Variants in LAMC3 observed in about 807,000 individuals in gnomAD.
LAMC3 encodes laminin subunit gamma-3.
In LAMC3, 128 loss-of-function variants were observed where a neutral mutation model predicts 173.8. The ratio of observed to expected loss-of-function variants is 0.74; its 90% CI spans 0.64 to 0.85. LAMC3 has a LOEUF of 0.85. Ranked by LOEUF, LAMC3 falls within the 40% of genes least tolerant of loss-of-function variation. The pLI, the probability that LAMC3 is intolerant of heterozygous loss-of-function variation, is 0.00. For synonymous variants in LAMC3, 897 were observed against 909.1 expected (o/e 0.99, Z 0.24); for missense variants, 2,022 against 2,156.0 (o/e 0.94, Z 1.23).
chr9:131,043,455 C>T (rs1173632873), intron 7 of LAMC3, among the ~76,000 whole-genome samples: 1 of 152,040 alleles, frequency 6.6e-6, no homozygotes, highest in Non-Finnish European at 1.5e-5. Context: ...TGCTGAAAAA[C>T]AGAGACAGAC....
At chr9:131,060,496 T>C (rs1564380757) in intron 12 of LAMC3, among the ~76,000 whole-genome samples, 1 of 151,846 alleles carries the variant, frequency 6.6e-6, no homozygotes. Context: ...ATACAAAAAT[T>C]AGACAGGTGT....
At chr9:131,054,676 C>T (rs1264108153) in intron 11 of LAMC3, among the ~76,000 whole-genome samples, 2 of 151,694 alleles carry the variant, frequency 1.3e-5, no homozygotes, top group Non-Finnish European at 2.9e-5. Context: ...ACCTGGGAGG[C>T]GGAGGTTGCA....
At chr9:131,070,805 G>A (rs905518506) in intron 17 of LAMC3, among the ~76,000 whole-genome samples, 1 of 152,224 alleles carries the variant, frequency 6.6e-6, no homozygotes, top group Non-Finnish European at 1.5e-5. Context: ...TATTTATGCA[G>A]GAAAACAGAC....
At position 131,075,813 on chromosome 9, in the gene LAMC3, G is replaced by T; in HGVS notation, c.3495-18G>T. 1.2e-6 allele frequency: 2 copies of T among 1,605,978 alleles called. No individual in the cohort carries two copies. Among genetic ancestry groups the T allele is most frequent in the Non-Finnish European group, 1.7e-6 (2 of 1,177,472 alleles). On this transcript the variant is annotated intron_variant, in intron 20 of 27. Transcript: ENST00000361069. ...CCTGCGAGCCCTTGGTAATGCTCAGGTGGGTGTCCTCACACAGCCACAGAG... is the reference window on the plus strand; with the variant it reads ...CCTGCGAGCCCTTGGTAATGCTCAGTTGGGTGTCCTCACACAGCCACAGAG...
chr9:131,014,897 C>T (rs981871126), intron 1 of LAMC3, among the ~76,000 whole-genome samples: 1 of 152,132 alleles, frequency 6.6e-6, no homozygotes, highest in Non-Finnish European at 1.5e-5. Flanking sequence ...GTGGGAGGAT[C>T]GCTGGAGCCT....
chr9:131,049,764 C>T (rs1004554051), intron 9 of LAMC3, among the ~76,000 whole-genome samples: 13 of 152,208 alleles, frequency 8.5e-5, no homozygotes, highest in Admixed American at 3.9e-4. Context: ...GCCCCTCACC[C>T]GCCAGGCCAC....
At chr9:131,062,088 C>T (rs944591396) in intron 13 of LAMC3, among the ~76,000 whole-genome samples, 1 of 151,494 alleles carries the variant, frequency 6.6e-6, no homozygotes, top group Non-Finnish European at 1.5e-5. Flanking sequence ...ACAGGCCGGG[C>T]ATGGTGACTC....
intron 7 of LAMC3, among the ~76,000 whole-genome samples, chr9:131,042,625 A>C (rs1399983328): frequency 1.3e-5 from 2 of 152,162 alleles, no homozygotes; most frequent in African/African-American, 4.8e-5. Flanking sequence ...CACAGCAGGC[A>C]TCACTAATGG....
intron 13 of LAMC3, among the ~76,000 whole-genome samples, chr9:131,061,711 C>A (rs1453579121): frequency 6.6e-6 from 1 of 152,150 alleles, no homozygotes; most frequent in Non-Finnish European, 1.5e-5. Context: ...TAAAAAGCAG[C>A]TTTATTGAGA....
chr9:131,046,132 C>T (rs1001944158), intron 8 of LAMC3, among the ~76,000 whole-genome samples: 3 of 151,276 alleles, frequency 2.0e-5, no homozygotes, highest in African/African-American at 7.3e-5. Flanking sequence ...TGCCTGAGGC[C>T]ACATAACAGT....
chr9:131,017,871 C>T (rs1158765274), intron 1 of LAMC3, among the ~76,000 whole-genome samples: 1 of 150,608 alleles, frequency 6.6e-6, no homozygotes, highest in Non-Finnish European at 1.5e-5. Flanking sequence ...ACTAAAAATA[C>T]AAAAATTAGC....
intron 24 of LAMC3, 71 bp from the exon 25 acceptor site, chr9:131,085,452 GC>G (rs1308634254): frequency 2.0e-6 from 3 of 1,512,164 alleles, no homozygotes; most frequent in Non-Finnish European, 1.8e-6. Context: ...AGGCAGCTCT[GC>G]CAGCGGCTGC....
intron 22 of LAMC3, among the ~76,000 whole-genome samples, chr9:131,077,713 A>C (rs1041138460): frequency 7.7e-6 from 1 of 130,710 alleles, no homozygotes; most frequent in East Asian, 2.4e-4. Context: ...AAAAAAAAAA[A>C]CTATTATAGC....
At chr9:131,049,971 C>G (rs1834249171) in intron 9 of LAMC3, among the ~76,000 whole-genome samples, 1 of 152,232 alleles carries the variant, frequency 6.6e-6, no homozygotes. Flanking sequence ...CAGCTCTGCC[C>G]TTTCCCTCCC....
At chr9:131,064,245 T>C (rs1829882629) in intron 13 of LAMC3, among the ~76,000 whole-genome samples, 1 of 152,204 alleles carries the variant, frequency 6.6e-6, no homozygotes, top group Admixed American at 6.5e-5. Flanking sequence ...CGATGACTTT[T>C]GAGGACACAA....
intron 23 of LAMC3, among the ~76,000 whole-genome samples, chr9:131,081,207 C>T (rs560914585): frequency 5.3e-5 from 8 of 152,364 alleles, no homozygotes; most frequent in African/African-American, 1.9e-4. Context: ...TCAGGGTTCA[C>T]CTGCCTTGCG....
In LAMC3 at chr9:131,009,605, G is replaced by A. The variant is rs1367654524; in HGVS notation, c.373+18G>A. 9 of 1,561,426 alleles carry A rather than the reference G, an allele frequency of 5.8e-6. No individual in the cohort carries two copies. Among genetic ancestry groups the A allele is most frequent in the Non-Finnish European group, 7.8e-6 (9 of 1,154,924 alleles). ...CCGCCTAGGTAAGCGCGGGCTGGGG[G>A]CACCGCCACCGCACCCCGTGTCCCC... On this transcript the variant is annotated intron_variant, in intron 1 of 27. Coordinates refer to ENST00000361069, the MANE Select transcript of LAMC3 (RefSeq NM_006059.4). The surrounding 1 kb of genome is among the most constrained non-coding windows in gnomAD (Gnocchi z 4.3).
intron 24 of LAMC3, among the ~76,000 whole-genome samples, chr9:131,084,509 T>G (rs1488337989): frequency 6.6e-6 from 1 of 151,410 alleles, no homozygotes; most frequent in African/African-American, 2.4e-5. Flanking sequence ...CCTGACTAAA[T>G]TTCCCTTAGA....
intron 24 of LAMC3, among the ~76,000 whole-genome samples, chr9:131,082,570 T>C (rs888180653): frequency 7.2e-5 from 11 of 152,186 alleles, no homozygotes; most frequent in Non-Finnish European, 1.5e-4. Context: ...GAAGGGGCTA[T>C]GGGTTGATGC....
Sources: allele counts gnomAD v4.1 joint callset (sites outside exome capture counted in the v4.1 genomes callset), GRCh38; gene constraint gnomAD v4.1.1; non-coding constraint Gnocchi (gnomAD v3.1); transcripts MANE v1.5; gene names NCBI Gene and HGNC (gene_info 2026-07-23, HGNC 2026-07-21).